The following COL1A1 variants were observed in gnomAD, a reference collection of about 807,000 sequenced individuals.
COL1A1 encodes collagen alpha-1(I) chain.
Under a neutral mutation model 195.7 loss-of-function variants are expected in COL1A1, and 21 were observed. That is an observed-to-expected ratio of 0.11 (90% confidence interval 0.08 to 0.15). COL1A1 has a LOEUF of 0.15. Ranked by LOEUF, COL1A1 falls within the 10% of genes least tolerant of loss-of-function variation. The probability of loss-of-function intolerance (pLI) is 1.00; values close to 1 mark genes in which losing one functional copy is unlikely to be tolerated. For synonymous variants in COL1A1, 749 were observed against 747.3 expected, an observed-to-expected ratio of 1.00 and a Z score of -0.04; for missense variants, 1,365 against 2,051.0, an observed-to-expected ratio of 0.67 and a Z score of 6.46.
In COL1A1 at chr17:50,193,874, G is replaced by A. The variant is rs41316663; in HGVS notation, c.1767+69C>T. ...GGTCAGCGGCACAGCTGAGCCCAGA[G>A]CCCAGGACTCCTTCAAGTCTCAGGT... is the stretch of plus-strand genomic sequence containing the variant. On this transcript the variant is annotated intron_variant, in intron 25 of 50. Transcript: ENST00000225964. 550 of 1,402,710 alleles carry A rather than the reference G, an allele frequency of 3.9e-4. 2 individuals are homozygous for A. In the African/African-American group the frequency reaches 7.2e-3, roughly 18 times the overall value. The allele number at this position is 1,402,710 out of a possible 1,614,324, so 86.9% of individuals were successfully genotyped here.
chr17:50,187,589 C>T, intron 45 of COL1A1, 52 bp from the exon 46 acceptor site: 1 of 1,593,176 alleles, frequency 6.3e-7, no homozygotes, highest in South Asian at 1.1e-5. Context: ...TCAAATGTAG[C>T]CTGAGGGCCT....
chr17:50,188,585 G>A lies in COL1A1; in HGVS notation c.3152C>T (p.Pro1051Leu), dbSNP rs2144545694. The A allele has an allele frequency of 1.9e-6, 3 of 1,613,998 alleles. No homozygotes were observed. Among genetic ancestry groups the A allele is most frequent in the Non-Finnish European group, 2.5e-6 (3 of 1,179,990 alleles). The change falls in exon 43 of 51, where the codon CCT becomes CTT. Residue 1051 changes from proline (P) to leucine (L), a missense_variant. By Grantham distance (98) the Pro-to-Leu change is moderately conservative. Coordinates refer to ENST00000225964, the MANE Select transcript of COL1A1 (RefSeq NM_000088.4). This position sits in a 1 kb window ranked among gnomAD's most constrained non-coding sequence, Gnocchi z 5.6. ...AGGGCCAACGGGGCCAGGGGCACCA[G>A]GAGCACCAGGAGCACCAGGGGGTCC... The part of the protein sequence containing the change: ...PAGPPGAPGA[P>L]GAPGPVGPAG...
chr17:50,196,049 G>A (rs754646947), intron 15 of COL1A1, 73 bp from the exon 16 acceptor site: 2 of 1,603,856 alleles, frequency 1.2e-6, no homozygotes, highest in Non-Finnish European at 1.7e-6. Flanking sequence ...GACAGAGGAA[G>A]TCCTGGGGTT....
intron 2 of COL1A1, 41 bp downstream of exon 2, chr17:50,199,692 AGCCCCAGCCCCAGGCCCCAG>A (rs1907904804): frequency 3.2e-6 from 5 of 1,581,758 alleles, no homozygotes; most frequent in Admixed American, 1.8e-5. Context: ...GACCACCCCC[AGCCCCAGCCCCAGGCCCCAG>A]GCCCCAGGCC....
rs749013687 is a variant in COL1A1, at chr17:50,189,770, C to A, written c.2614-38G>T. ...AACATAGGAACAGTCAGAGGGAGAACAGCCAACTCATCCGACCCAGCTGCC... is the reference window on the plus strand; with the variant it reads ...AACATAGGAACAGTCAGAGGGAGAAAAGCCAACTCATCCGACCCAGCTGCC... On this transcript the variant is annotated intron_variant, in intron 37 of 50. Transcript: ENST00000225964. The surrounding 1 kb of genome is among the most constrained non-coding windows in gnomAD (Gnocchi z 5.5). The A allele has an allele frequency of 6.2e-7, 1 of 1,613,292 alleles. No individual in the cohort carries two copies. Among genetic ancestry groups the A allele is most frequent in the African/African-American group, 1.3e-5 (1 of 74,906 alleles).
At chr17:50,187,172 C>G in intron 46 of COL1A1, 50 bp from the exon 47 acceptor site, 1 of 1,457,434 alleles carries the variant, frequency 6.9e-7, no homozygotes, top group Non-Finnish European at 9.4e-7. Flanking sequence ...CCCGAACAAC[C>G]CCAGCTCTGG....
intron 46 of COL1A1, 139 bp downstream of exon 46, chr17:50,187,345 G>T: frequency 1.1e-6 from 1 of 928,178 alleles, no homozygotes; most frequent in Non-Finnish European, 1.7e-6. Flanking sequence ...TGTTTGTTCA[G>T]GATTCTTCCT....
At chr17:50,191,741 C>A (rs1907094643) in intron 31 of COL1A1, 47 bp downstream of exon 31, 7 of 1,542,668 alleles carry the variant, frequency 4.5e-6, no homozygotes, top group Non-Finnish European at 6.1e-6. Context: ...AGGGGTGAGA[C>A]CTGGTCCCTG....
At chr17:50,191,276 G>A in intron 32 of COL1A1, 107 bp downstream of exon 32, 1 of 1,087,164 alleles carries the variant, frequency 9.2e-7, no homozygotes, top group Non-Finnish European at 1.4e-6. Context: ...GGGAGGATTA[G>A]CGAGAAGAGG....
Position 50,186,983 on chromosome 17 carries a change from G to A in COL1A1, c.3531+32C>T, listed in dbSNP as rs1212908705. 6.2e-7 allele frequency: 1 copy of A among 1,610,268 alleles called. No homozygotes were observed. The highest frequency in any genetic ancestry group is 1.7e-5 in the Admixed American group (1 of 59,516). On this transcript the variant is annotated intron_variant, in intron 47 of 50. Coordinates refer to ENST00000225964, the MANE Select transcript of COL1A1 (RefSeq NM_000088.4). The surrounding 1 kb of genome is among the most constrained non-coding windows in gnomAD (Gnocchi z 5.3). ...ATCCAAGTGCTTTGGGGGCTGGAGG[G>A]CCATGAGCAGAGGGGATGAGGGGCT...
rs762848021 is a variant in COL1A1, at chr17:50,185,831, G to A, written c.4195C>T (p.Arg1399Cys). The A allele has an allele frequency of 1.3e-5, 21 of 1,613,996 alleles. No homozygotes were observed. Among genetic ancestry groups the A allele is most frequent in the South Asian group, 7.7e-5 (7 of 91,078 alleles). Residue 1399 changes from arginine to cysteine, a missense_variant, in exon 50 of 51, where the codon CGC becomes TGC. Physicochemically the swap from Arg to Cys is radical, Grantham distance 180. Around this residue, in one of 5 missense-constraint regions of COL1A1, gnomAD observed 273 missense variants for 338.6 expected, o/e 0.81. Transcript: ENST00000225964. ...GTGAAGCGGCTGTTGCCCTCGGCGCGGATCTCGATCTCGTTGGAGCCCTGG... is the reference window on the plus strand; with the variant it reads ...GTGAAGCGGCTGTTGCCCTCGGCGCAGATCTCGATCTCGTTGGAGCCCTGG... ...LLQGSNEIEI[R>C]AEGNSRFTYS...
At chr17:50,199,661 C>G (rs997816667) in intron 2 of COL1A1, 71 bp from the exon 3 acceptor site, 1 of 1,611,220 alleles carries the variant, frequency 6.2e-7, no homozygotes, top group African/African-American at 1.3e-5. Context: ...AGGCCTCCAG[C>G]ACGGAGGGCC....
Position 50,199,899 on chromosome 17 carries a change from T to C in COL1A1, c.152A>G (p.Asp51Gly), listed in dbSNP as rs917540852. 4 of 1,614,016 alleles carry C rather than the reference T, an allele frequency of 2.5e-6. No individual in the cohort carries two copies. In the African/African-American group the frequency reaches 5.3e-5, roughly 22 times the overall value. The change falls in exon 2 of 51, where the codon GAC becomes GGC. Residue 51 changes from aspartate to glycine, a missense_variant. By Grantham distance (94) the Asp-to-Gly change is moderately conservative. Transcript: ENST00000225964. ...CCGGCAGGGCTCGGGTTTCCACACG[T>C]CTCGGTCATGGTACCTGAGGCCGTT... is the stretch of plus-strand genomic sequence containing the variant. The part of the protein sequence containing the change: ...VQNGLRYHDR[D>G]VWKPEPCRIC...
At chr17:50,192,254 A>T (rs1341503758) in intron 29 of COL1A1, 1 of 725,022 alleles carries the variant, frequency 1.4e-6, no homozygotes, top group African/African-American at 1.8e-5. Flanking sequence ...GGGTTGAGGG[A>T]AAGTCACAGC....
Position 50,190,430 on chromosome 17 carries a change from C to A in COL1A1, c.2398-50G>T, listed in dbSNP as rs767953699. On this transcript the variant is annotated intron_variant, in intron 34 of 50. Coordinates refer to ENST00000225964, the MANE Select transcript of COL1A1 (RefSeq NM_000088.4). The surrounding 1 kb of genome is among the most constrained non-coding windows in gnomAD (Gnocchi z 4.7). Reference sequence around the variant, plus strand: ...AGAGATGCGCTGACAGGAGGGAAGGCGGGGATGCGGTGAGGGGAGAGGCAA... The same window carrying A: ...AGAGATGCGCTGACAGGAGGGAAGGAGGGGATGCGGTGAGGGGAGAGGCAA... 1.3e-6 allele frequency: 2 copies of A among 1,575,326 alleles called. No individual in the cohort carries two copies. Among genetic ancestry groups the A allele is most frequent in the Non-Finnish European group, 1.7e-6 (2 of 1,145,346 alleles).
In COL1A1 at chr17:50,188,698, G is replaced by A. The variant is rs748174181; in HGVS notation, c.3099+44C>T. On this transcript the variant is annotated intron_variant, in intron 42 of 50. Transcript: ENST00000225964. The surrounding 1 kb of genome is among the most constrained non-coding windows in gnomAD (Gnocchi z 5.6). ...GGGTGAAGGGCCAGGATGGGGCAGG[G>A]AAGCAGCAGACAAGGCTGTGGTCAT... 2.5e-6 allele frequency: 4 copies of A among 1,613,602 alleles called. No individual in the cohort carries two copies. The African/African-American group carries it at 5.3e-5, about 22-fold the overall frequency.
At chr17:50,196,008 G>T in intron 15 of COL1A1, 32 bp from the exon 16 acceptor site, 1 of 1,598,660 alleles carries the variant, frequency 6.3e-7, no homozygotes, top group Non-Finnish European at 8.5e-7. Flanking sequence ...CAGCGAGAAG[G>T]AAGAGATGGC....
chr17:50,184,340 C>G lies in COL1A1; in HGVS notation c.*1162G>C, dbSNP rs1309154160. On this transcript the variant is annotated 3_prime_UTR_variant, in exon 51 of 51. Coordinates refer to ENST00000225964, the MANE Select transcript of COL1A1 (RefSeq NM_000088.4). ...GAGGAGGGTTTCAGAGGAGAGAGGT[C>G]GGAGAGCAGAGGCCTGAGAAGCCAG... 3 of 231,368 alleles carry G rather than the reference C, an allele frequency of 1.3e-5. No individual in the cohort carries two copies. The highest frequency in any genetic ancestry group is 2.2e-5 in the African/African-American group (1 of 45,058). The allele number at this position is 231,368 out of a possible 1,614,324, so 14.3% of individuals were successfully genotyped here. A position where few individuals can be genotyped will look rare whatever the true frequency, so the allele number is the denominator to read the frequency against.
At chr17:50,192,729 G>A (rs985950559) in intron 27 of COL1A1, 36 bp from the exon 28 acceptor site, 9 of 1,613,926 alleles carry the variant, frequency 5.6e-6, no homozygotes, top group African/African-American at 2.7e-5. Context: ...CGGGGAGGCC[G>A]AGGAGACGAG....
Sources: gnomAD v4.1 joint callset for allele counts on GRCh38, gnomAD v4.1.1 for gene constraint, gnomAD v4.1.1 regional missense constraint, Gnocchi (gnomAD v3.1) non-coding constraint, MANE v1.5 for transcripts, NCBI Gene and HGNC (gene_info 2026-07-23, HGNC 2026-07-21) for gene names.